Variants in KRT80 observed in about 807,000 individuals in gnomAD.
The protein encoded by KRT80 is keratin, type II cytoskeletal 80.
Under a neutral mutation model 51.5 loss-of-function variants are expected in KRT80, and 36 were observed. The observed-to-expected ratio is 0.70, with a 90% CI of 0.54 to 0.92. The LOEUF (loss-of-function observed/expected upper bound fraction) is 0.92, where lower values mean the gene tolerates loss of function less well. Ranked by LOEUF, KRT80 falls within the 40% of genes least tolerant of loss-of-function variation. The pLI is 0.00. For missense variants in KRT80, 566 were observed against 591.7 expected, an observed-to-expected ratio of 0.96 and a Z score of 0.45; for synonymous variants, 235 against 248.3, an observed-to-expected ratio of 0.95 and a Z score of 0.50.
chr12:52,185,677 T>G (rs1401523078), intron 1 of KRT80, 90 bp from the exon 2 acceptor site: 2 of 1,542,626 alleles, frequency 1.3e-6, no homozygotes, highest in Non-Finnish European at 1.7e-6. Flanking sequence ...CACGGAGGGC[T>G]CCCTGGGAAG....
Position 52,185,484 on chromosome 12 carries a change from T to C in KRT80, c.404A>G (p.Tyr135Cys), listed in dbSNP as rs751801973. 2.5e-6 allele frequency: 4 copies of C among 1,614,016 alleles called. No individual in the cohort carries two copies. Among genetic ancestry groups the C allele is most frequent in the Non-Finnish European group, 1.7e-6 (2 of 1,180,024 alleles). The change falls in exon 2 of 9, where the codon TAT (tyrosine) becomes TGT (cysteine). Residue 135 changes from tyrosine (Y) to cysteine (C), a missense_variant. Coordinates refer to ENST00000394815, the MANE Select transcript of KRT80 (RefSeq NM_182507.3). ...CAGTTCCTCCTGCAGCCGGCCCTGA[T>C]ATTCCTCATAGAGATGCCCGAGGTC... ...IFDLGHLYEE[Y>C]QGRLQEELRK...
intron 2 of KRT80, among the ~76,000 whole-genome samples, chr12:52,183,340 C>T (rs1220156181): frequency 6.6e-6 from 1 of 152,234 alleles, no homozygotes; most frequent in Non-Finnish European, 1.5e-5. Context: ...ACCTGCACCA[C>T]CATCCCCACC....
At chr12:52,173,454 G>T in intron 5 of KRT80, 146 bp downstream of exon 5, 6 of 453,592 alleles carry the variant, frequency 1.3e-5, no homozygotes, top group Middle Eastern at 5.9e-4. Flanking sequence ...CCCCCCGCCC[G>T]CCCCGTCCCT....
chr12:52,169,772 G>A lies in KRT80; in HGVS notation c.*1626C>T, dbSNP rs1169752958. The A allele has an allele frequency of 6.6e-6, 1 of 152,232 alleles. No homozygotes were observed. The highest frequency in any genetic ancestry group is 1.5e-5 in the Non-Finnish European group (1 of 68,046). The allele number at this position is 152,232 out of a possible 1,614,324, so 9.4% of individuals were successfully genotyped here. A position where few individuals can be genotyped will look rare whatever the true frequency, so the allele number is the denominator to read the frequency against. On this transcript the variant is annotated 3_prime_UTR_variant, in exon 9 of 9. Coordinates refer to ENST00000394815, the MANE Select transcript of KRT80 (RefSeq NM_182507.3). ...ATTTGCTCCCTTGGAAACCAATGAA[G>A]AGCCTGAGGAAAAGCACCAATCAGC...
At position 52,186,536 on chromosome 12, in the gene KRT80, A is replaced by G. The variant is rs141681472; in HGVS notation, c.301-949T>C. On this transcript the variant is annotated intron_variant, in intron 1 of 8. Transcript: ENST00000394815. ...TAAGCTGTATTTTACAGATGAGGAA[A>G]CCAGAGGTGATGGAACTTGCCCAAG... Among the ~76,000 whole-genome samples, 193 of 152,308 alleles carry G rather than the reference A, an allele frequency of 1.3e-3. No homozygotes were observed. In the Middle Eastern group the frequency reaches 0.014, roughly 11 times the overall value.
chr12:52,173,825 C>T, intron 4 of KRT80, 61 bp from the exon 5 acceptor site: 1 of 1,533,540 alleles, frequency 6.5e-7, no homozygotes, highest in African/African-American at 1.4e-5. Context: ...ACCCTCAGCC[C>T]CACACAGTCA....
intron 2 of KRT80, among the ~76,000 whole-genome samples, chr12:52,182,346 C>T (rs1002354134): frequency 2.0e-5 from 3 of 152,178 alleles, no homozygotes; most frequent in Non-Finnish European, 4.4e-5. Flanking sequence ...TCTCATTTTA[C>T]AGATGAGGAA....
chr12:52,170,418 G>A lies in KRT80; in HGVS notation c.*980C>T, dbSNP rs985305213. 3.3e-5 allele frequency: 5 copies of A among 152,382 alleles called. No homozygotes were observed. Among genetic ancestry groups the A allele is most frequent in the Admixed American group, 6.5e-5 (1 of 15,286 alleles). The allele number at this position is 152,382 out of a possible 1,614,324, so 9.4% of individuals were successfully genotyped here. On this transcript the variant is annotated 3_prime_UTR_variant, in exon 9 of 9. Coordinates refer to ENST00000394815, the MANE Select transcript of KRT80 (RefSeq NM_182507.3). ...GAGAGGAGAACAGAGGCCCTGAGAA[G>A]TGAGATTCTTGGGAAGTGGGCCTGG...
intron 2 of KRT80, among the ~76,000 whole-genome samples, chr12:52,181,472 C>T (rs1941319504): frequency 6.6e-6 from 1 of 152,178 alleles, no homozygotes; most frequent in Admixed American, 6.5e-5. Context: ...CAAAGGGAGG[C>T]TGGAAAGAGT....
Position 52,171,649 on chromosome 12 carries a change from A to G in KRT80, c.1234+9T>C, listed in dbSNP as rs1204286386. On this transcript the variant is annotated intron_variant, in intron 8 of 8. Transcript: ENST00000394815. ...CCCCACCATGGGTTCTCGGGGCAAGAGGACTCACCGGTTTTGCACCTGGAC... is the reference window on the plus strand; with the variant it reads ...CCCCACCATGGGTTCTCGGGGCAAGGGGACTCACCGGTTTTGCACCTGGAC... 8 of 1,484,094 alleles carry G rather than the reference A, an allele frequency of 5.4e-6. No homozygotes were observed. The highest frequency in any genetic ancestry group is 2.0e-5 in the Admixed American group (1 of 50,492). 91.9% of individuals were successfully genotyped at this position (1,484,094 alleles called of 1,614,324 possible).
In KRT80 at chr12:52,174,947, C is replaced by T. The variant is rs544262671; in HGVS notation, c.667-1183G>A. 1.8e-4 allele frequency among the ~76,000 whole-genome samples: 27 copies of T among 152,144 alleles called. 1 individual carries two copies. In the South Asian group the frequency reaches 2.9e-3, roughly 16 times the overall value. On this transcript the variant is annotated intron_variant, in intron 4 of 8. Coordinates refer to ENST00000394815, the MANE Select transcript of KRT80 (RefSeq NM_182507.3). ...CCTCCTGTGGGAAGGAGGAGCAAGG[C>T]GAGTCGACTGAGAATTGCACCGAGT...
intron 1 of KRT80, among the ~76,000 whole-genome samples, chr12:52,186,152 C>T (rs1330225042): frequency 2.0e-5 from 3 of 152,056 alleles, no homozygotes; most frequent in Non-Finnish European, 2.9e-5. Context: ...CCTGTCCAGC[C>T]GAGCTCAGCC....
rs552783643 is a variant in KRT80 at position 52,173,066 on chromosome 12, C to T, written c.929G>A (p.Arg310Gln). 2.5e-5 allele frequency: 40 copies of T among 1,612,668 alleles called. 1 individual carries two copies. The highest frequency in any genetic ancestry group is 2.0e-4 in the South Asian group (18 of 90,982). ...ADLNVRIQKL[R>Q]SQILSVKSHC... Reference sequence around the variant, plus strand: ...GCTCTTGACAGAGAGGATCTGGGACCGCAGCTTCTGGATGCGCACATTGAG... The same window carrying T: ...GCTCTTGACAGAGAGGATCTGGGACTGCAGCTTCTGGATGCGCACATTGAG... Residue 310 changes from arginine to glutamine, a missense_variant, in exon 6 of 9, where the codon CGG becomes CAG. By Grantham distance (43) the Arg-to-Gln change is conservative. Coordinates refer to ENST00000394815, the MANE Select transcript of KRT80 (RefSeq NM_182507.3).
intron 2 of KRT80, 80 bp downstream of exon 2, chr12:52,185,298 TG>T: frequency 7.5e-7 from 1 of 1,337,946 alleles, no homozygotes; most frequent in Non-Finnish European, 1.0e-6. Context: ...CCTCTTTCTC[TG>T]GCTTAAGTGC....
intron 1 of KRT80, chr12:52,185,880 G>A: frequency 2.1e-6 from 1 of 470,218 alleles, no homozygotes; most frequent in South Asian, 2.1e-5. Context: ...AGAGTGCCAA[G>A]CATGCGACAG....
At chr12:52,181,729 G>A (rs1259630438) in intron 2 of KRT80, among the ~76,000 whole-genome samples, 4 of 152,122 alleles carry the variant, frequency 2.6e-5, no homozygotes, top group East Asian at 1.9e-4. Context: ...CAAGGACACC[G>A]TTGGGTGGGG....
At chr12:52,176,556 A>G (rs1941226974) in intron 4 of KRT80, among the ~76,000 whole-genome samples, 1 of 148,704 alleles carries the variant, frequency 6.7e-6, no homozygotes, top group Non-Finnish European at 1.5e-5. Context: ...ATCTTGGCTC[A>G]CTGCAACCTC....
rs1941041239 is a variant in KRT80 at position 52,169,020 on chromosome 12, T to G, written c.*2378A>C. On this transcript the variant is annotated 3_prime_UTR_variant, in exon 9 of 9. Transcript: ENST00000394815. Reference sequence around the variant, plus strand: ...GTAATTTATAAAGAAAAGACATTTATTTTGGCTCACAATTCTGCAGGCTGT... The same window carrying G: ...GTAATTTATAAAGAAAAGACATTTAGTTTGGCTCACAATTCTGCAGGCTGT... The G allele has an allele frequency of 6.6e-6, 1 of 152,226 alleles. No individual in the cohort carries two copies. The highest frequency in any genetic ancestry group is 2.1e-4 in the South Asian group (1 of 4,830). 9.4% of individuals were successfully genotyped at this position (152,226 alleles called of 1,614,324 possible).
intron 5 of KRT80, 147 bp from the exon 6 acceptor site, chr12:52,173,310 C>T (rs1179156150): frequency 7.3e-6 from 8 of 1,096,704 alleles, no homozygotes; most frequent in Non-Finnish European, 9.7e-6. Flanking sequence ...GCTCCCCCTT[C>T]CACCTCCCTT....
Sources: allele counts gnomAD v4.1 joint callset (sites outside exome capture counted in the v4.1 genomes callset), GRCh38; gene constraint gnomAD v4.1.1; transcripts MANE v1.5; gene names NCBI Gene and HGNC (gene_info 2026-07-23, HGNC 2026-07-21).